The following MARCHF1 variants were observed in gnomAD, a reference collection of about 807,000 sequenced individuals.
MARCHF1 encodes membrane associated ring-CH-type finger 1.
A neutral mutation model predicts 54.2 loss-of-function variants in MARCHF1; 40 were observed. That is an observed-to-expected ratio of 0.74 (90% confidence interval 0.57 to 0.96). MARCHF1 has a LOEUF of 0.96. MARCHF1 is among the 40% of genes least tolerant of loss of function. The pLI, the probability that MARCHF1 is intolerant of heterozygous loss-of-function variation, is 0.00. For synonymous variants in MARCHF1, 236 were observed against 236.3 expected, an observed-to-expected ratio of 1.00 and a Z score of 0.01; for missense variants, 586 against 656.5, an observed-to-expected ratio of 0.89 and a Z score of 1.17.
At chr4:164,233,581 G>C (rs77786268) in intron 1 of MARCHF1, among the ~76,000 whole-genome samples, 3,154 of 152,162 alleles carry the variant, frequency 0.021, 99 homozygotes, top group East Asian at 0.12. Flanking sequence ...CACGGGACAG[G>C]ACTGGTGGCT....
At chr4:164,065,250 G>A (rs1230214672) in intron 2 of MARCHF1, among the ~76,000 whole-genome samples, 6 of 152,124 alleles carry the variant, frequency 3.9e-5, no homozygotes, top group Admixed American at 2.0e-4. Flanking sequence ...TGCACATCTG[G>A]TAGGATTCAG....
intron 1 of MARCHF1, among the ~76,000 whole-genome samples, chr4:164,275,185 C>A (rs1047215317): frequency 2.6e-5 from 4 of 151,202 alleles, no homozygotes; most frequent in Non-Finnish European, 4.4e-5. Context: ...CACAGAATTC[C>A]AAAAAAAGAA....
chr4:163,826,227 T>A (rs1748843603), intron 4 of MARCHF1, among the ~76,000 whole-genome samples: 1 of 152,058 alleles, frequency 6.6e-6, no homozygotes, highest in Non-Finnish European at 1.5e-5. Flanking sequence ...TTTTGTAGAG[T>A]AATTTGTAAT....
At chr4:164,161,545 TCAG>T (rs36007870) in intron 1 of MARCHF1, among the ~76,000 whole-genome samples, 40 of 150,884 alleles carry the variant, frequency 2.7e-4, no homozygotes, top group Admixed American at 1.3e-3. Context: ...ATCATCATCA[TCAG>T]CAGCAGCAGC....
At chr4:163,640,792 A>T (rs978743995) in intron 5 of MARCHF1, among the ~76,000 whole-genome samples, 1 of 152,122 alleles carries the variant, frequency 6.6e-6, no homozygotes, top group Non-Finnish European at 1.5e-5. Flanking sequence ...ATTGCATTTA[A>T]TTTTAGATTA....
chr4:164,103,824 G>A (rs1446805928), intron 2 of MARCHF1, among the ~76,000 whole-genome samples: 1 of 128,414 alleles, frequency 7.8e-6, no homozygotes, highest in African/African-American at 3.4e-5. Flanking sequence ...AATGAATCCA[G>A]GAGCTGGTTT....
At position 164,241,270 on chromosome 4, in the gene MARCHF1, C is replaced by T. The variant is rs914698435; in HGVS notation, c.-322-129608G>A. On this transcript the variant is annotated intron_variant, in intron 1 of 9. Coordinates refer to ENST00000514618, the MANE Select transcript of MARCHF1 (RefSeq NM_001394959.1). ...GGACCTTAGATTATTTTCAAAAACC[C>T]TAGCCTCAGAACTCTTGAGGAAGGG... Among the ~76,000 whole-genome samples, 4 of 152,088 alleles carry T rather than the reference C, an allele frequency of 2.6e-5. No individual in the cohort carries two copies. In the East Asian group the frequency reaches 5.8e-4, roughly 22 times the overall value.
intron 9 of MARCHF1, among the ~76,000 whole-genome samples, chr4:163,543,782 G>A (rs1738802282): frequency 6.6e-6 from 1 of 152,140 alleles, no homozygotes; most frequent in Admixed American, 6.5e-5. Context: ...GTGTCTATGA[G>A]GGTCTATGTA....
In MARCHF1 at chr4:164,146,878, G is replaced by C. The variant is rs540086046; in HGVS notation, c.-322-35216C>G. On this transcript the variant is annotated intron_variant, in intron 1 of 9. Coordinates refer to ENST00000514618, the MANE Select transcript of MARCHF1 (RefSeq NM_001394959.1). Reference sequence around the variant, plus strand: ...CAGCAAAAGAAACTACCATCAGAGTGAACAGGCAACCTACAAAATGGGAGA... The same window carrying C: ...CAGCAAAAGAAACTACCATCAGAGTCAACAGGCAACCTACAAAATGGGAGA... Among the ~76,000 whole-genome samples the C allele has an allele frequency of 4.8e-3, 718 of 150,662 alleles. 3 individuals carry two copies. Among genetic ancestry groups the C allele is most frequent in the Non-Finnish European group, 7.2e-3 (485 of 67,490 alleles).
chr4:164,151,305 T>C (rs974433643), intron 1 of MARCHF1, among the ~76,000 whole-genome samples: 6 of 152,174 alleles, frequency 3.9e-5, no homozygotes, highest in Non-Finnish European at 7.4e-5. Flanking sequence ...GAAAGATTGG[T>C]TGCAAGTCCA....
At chr4:164,199,632 TCACACACACACACACACACACA>T (rs376565727) in intron 1 of MARCHF1, among the ~76,000 whole-genome samples, 15 of 114,772 alleles carry the variant, frequency 1.3e-4, no homozygotes, top group Non-Finnish European at 1.9e-4. Context: ...CAGGACTCTG[TCACACACACACACACACACACA>T]CACACACACA....
chr4:164,166,601 C>A (rs912743780), intron 1 of MARCHF1, among the ~76,000 whole-genome samples: 45 of 151,826 alleles, frequency 3.0e-4, no homozygotes, highest in African/African-American at 1.0e-3. Flanking sequence ...ACAGGGATGT[C>A]CACTCTGACC....
intron 5 of MARCHF1, among the ~76,000 whole-genome samples, chr4:163,619,718 C>T (rs771904932): frequency 6.6e-6 from 1 of 151,296 alleles, no homozygotes; most frequent in Non-Finnish European, 1.5e-5. Flanking sequence ...GAATGTAAAC[C>T]TGAGTCTACT....
chr4:164,023,351 C>G (rs1336144443), intron 2 of MARCHF1, among the ~76,000 whole-genome samples: 1 of 152,106 alleles, frequency 6.6e-6, no homozygotes, highest in African/African-American at 2.4e-5. Flanking sequence ...CACTACAGAG[C>G]ACTGCTTGCA....
At chr4:163,987,443 G>GTCTC (rs1752890107) in intron 3 of MARCHF1, among the ~76,000 whole-genome samples, 6 of 152,138 alleles carry the variant, frequency 3.9e-5, no homozygotes, top group African/African-American at 1.4e-4. Flanking sequence ...CTCATTTGAA[G>GTCTC]ATGTACTCAA....
In MARCHF1 at chr4:164,283,063, T is replaced by C. The variant is rs141007695; in HGVS notation, c.-323+100807A>G. 4.6e-3 allele frequency among the ~76,000 whole-genome samples: 695 copies of C among 151,322 alleles called. 11 individuals carry two copies. The highest frequency in any genetic ancestry group is 5.6e-3 in the Non-Finnish European group (380 of 67,990). Reference sequence around the variant, plus strand: ...AAATGAGGCAACAGTATTAACTTGATAGCTCCACCAGATTCACATGATAGT... The same window carrying C: ...AAATGAGGCAACAGTATTAACTTGACAGCTCCACCAGATTCACATGATAGT... On this transcript the variant is annotated intron_variant, in intron 1 of 9. Transcript: ENST00000514618.
rs75048605 is a variant in MARCHF1, at chr4:163,984,514, T to C, written c.-39+3987A>G. 9.4e-3 allele frequency among the ~76,000 whole-genome samples: 1,424 copies of C among 152,278 alleles called. 23 individuals carry two copies. The highest frequency in any genetic ancestry group is 0.032 in the African/African-American group (1,311 of 41,556). On this transcript the variant is annotated intron_variant, in intron 3 of 9. Coordinates refer to ENST00000514618, the MANE Select transcript of MARCHF1 (RefSeq NM_001394959.1). Reference sequence around the variant, plus strand: ...GCAGCGCAGGTGCCAGAAACAGCCTTGGCCCCATCCATGCTGTATCTCTAC... The same window carrying C: ...GCAGCGCAGGTGCCAGAAACAGCCTCGGCCCCATCCATGCTGTATCTCTAC...
intron 4 of MARCHF1, among the ~76,000 whole-genome samples, chr4:163,719,983 T>C (rs192421615): frequency 3.3e-5 from 5 of 152,358 alleles, no homozygotes; most frequent in African/African-American, 1.2e-4. Flanking sequence ...AGGTTGCCTG[T>C]TCACTCTGAT....
intron 1 of MARCHF1, among the ~76,000 whole-genome samples, chr4:164,258,373 A>G (rs6852606): frequency 0.12 from 17,344 of 148,928 alleles, 1,575 homozygotes; most frequent in African/African-American, 0.26. Flanking sequence ...TTCTGCACAT[A>G]TATCCCAGAA....
Sources: gnomAD v4.1 joint callset for allele counts (sites outside exome capture counted in the v4.1 genomes callset) on GRCh38, gnomAD v4.1.1 for gene constraint, MANE v1.5 for transcripts, NCBI Gene and HGNC (gene_info 2026-07-23, HGNC 2026-07-21) for gene names.